CUL9: variants seen among roughly 807,000 people sequenced by gnomAD.
CUL9 encodes the protein cullin 9, also known as cullin-9.
Under a neutral mutation model 272.6 loss-of-function variants are expected in CUL9, and 79 were observed. The ratio of observed to expected loss-of-function variants is 0.29; its 90% confidence interval spans 0.24 to 0.35. The LOEUF (loss-of-function observed/expected upper bound fraction) is 0.35, where lower values mean the gene tolerates loss of function less well. Among genes scored for constraint, CUL9 ranks in the 10% least tolerant of loss-of-function variants. The probability of loss-of-function intolerance (pLI) is 1.00; values close to 1 mark genes in which losing one functional copy is unlikely to be tolerated. For missense variants in CUL9, 2,532 were observed against 3,255.6 expected (o/e 0.78, Z 5.41); for synonymous variants, 1,186 against 1,286.5 (o/e 0.92, Z 1.67).
Position 43,186,408 on chromosome 6 carries a change from G to C in CUL9, c.1204G>C (p.Asp402His). ...LDDYEEISAG[D>H]EGEFRQSNNG... ...TGATTATGAGGAGATCAGTGCTGGGGACGAGGGCGAGTTCCGGCAGAGCAA... is the reference window on the plus strand; with the variant it reads ...TGATTATGAGGAGATCAGTGCTGGGCACGAGGGCGAGTTCCGGCAGAGCAA... Residue 402 changes from aspartate (D) to histidine (H), a missense_variant, in exon 4 of 41, where the codon GAC becomes CAC. Coordinates refer to ENST00000252050, the MANE Select transcript of CUL9 (RefSeq NM_015089.4). The C allele has an allele frequency of 6.2e-7, 1 of 1,606,588 alleles. No homozygotes were observed. Among genetic ancestry groups the C allele is most frequent in the Non-Finnish European group, 8.5e-7 (1 of 1,173,806 alleles).
At chr6:43,222,043 C>G in intron 35 of CUL9, 1 of 593,122 alleles carries the variant, frequency 1.7e-6, no homozygotes, top group South Asian at 2.1e-5. Flanking sequence ...CAGAAGGCAG[C>G]AGGGCAGAGC....
rs75097426 is a variant in CUL9 at position 43,220,965 on chromosome 6, G to A, written c.6588+54G>A. On this transcript the variant is annotated intron_variant, in intron 33 of 40. Transcript: ENST00000252050. This position sits in a 1 kb window ranked among gnomAD's most constrained non-coding sequence, Gnocchi z 4.9. ...GAGCAAGGATTCACACTCCTTCCCT[G>A]CTTAATATCCCCACCCCGCCACACA... The A allele has an allele frequency of 9.5e-5, 145 of 1,522,314 alleles. No homozygotes were observed. The East Asian group carries it at 1.4e-3, about 15-fold the overall frequency. The allele number at this position is 1,522,314 out of a possible 1,614,324, so 94.3% of individuals were successfully genotyped here. A position where few individuals can be genotyped will look rare whatever the true frequency, so the allele number is the denominator to read the frequency against.
intron 1 of CUL9, among the ~76,000 whole-genome samples, chr6:43,183,488 C>T (rs958356830): frequency 6.6e-6 from 1 of 152,124 alleles, no homozygotes; most frequent in South Asian, 2.1e-4. Context: ...CTGTCCTGCC[C>T]CTCCGCTATC....
At chr6:43,192,492 G>A (rs1773617105) in intron 8 of CUL9, among the ~76,000 whole-genome samples, 4 of 152,168 alleles carry the variant, frequency 2.6e-5, no homozygotes, top group South Asian at 2.1e-4. Context: ...GAAACATAGC[G>A]AAACCCCGTC....
rs543247842 is a variant in CUL9, at chr6:43,198,025, G to C, written c.2804-584G>C. On this transcript the variant is annotated intron_variant, in intron 11 of 40. Transcript: ENST00000252050. ...GGAGGCTGAGGCAGGCAGATCACTT[G>C]AGGTCAGCAGTTTGAGACCAGCCCG... Among the ~76,000 whole-genome samples, 227 of 152,322 alleles carry C rather than the reference G, an allele frequency of 1.5e-3. 1 individual carries two copies. The highest frequency in any genetic ancestry group is 5.1e-3 in the African/African-American group (213 of 41,578).
chr6:43,221,415 CAA>C lies in CUL9; in HGVS notation c.6752+97_6752+98del. The C allele has an allele frequency of 4.2e-6, 6 of 1,418,630 alleles. No homozygotes were observed. The highest frequency in any genetic ancestry group is 5.6e-6 in the Non-Finnish European group (6 of 1,064,422). The allele number at this position is 1,418,630 out of a possible 1,614,324, so 87.9% of individuals were successfully genotyped here. On this transcript the variant is annotated intron_variant, in intron 34 of 40. Coordinates refer to ENST00000252050, the MANE Select transcript of CUL9 (RefSeq NM_015089.4). The surrounding 1 kb of genome is among the most constrained non-coding windows in gnomAD (Gnocchi z 4.2). ...GGAACGGGCTTAGTGTAAAGCTCAG[CAA>C]AAGAGGGTGGTTCCTCAGCCGCCCC...
In CUL9 at chr6:43,186,168, A is replaced by C. The variant is rs941193898; in HGVS notation, c.964A>C (p.Asn322His). Residue 322 changes from asparagine (N) to histidine (H), a missense_variant, in exon 4 of 41, where the codon AAC (asparagine) becomes CAC (histidine). By Grantham distance (68) the Asn-to-His change is moderately conservative. Around this residue, in one of 3 missense-constraint regions of CUL9, gnomAD observed 2,218 missense variants for 2,788.6 expected, o/e 0.80. Coordinates refer to ENST00000252050, the MANE Select transcript of CUL9 (RefSeq NM_015089.4). ...ELVRSMGWAR[N>H]LSEQGMSPPR... ...TGTGCGGAGCATGGGCTGGGCCCGG[A>C]ACCTCAGCGAACAGGGCATGTCACC... is the stretch of plus-strand genomic sequence containing the variant. 7 of 1,614,108 alleles carry C rather than the reference A, an allele frequency of 4.3e-6. No individual in the cohort carries two copies. In the African/African-American group the frequency reaches 8.0e-5, roughly 18 times the overall value.
intron 26 of CUL9, among the ~76,000 whole-genome samples, chr6:43,209,818 TTGTATTTTTA>T (rs1406218919): frequency 6.6e-6 from 1 of 151,666 alleles, no homozygotes; most frequent in Non-Finnish European, 1.5e-5. Context: ...GCTAATTTTT[TTGTATTTTTA>T]GTAGAGACAA....
At position 43,224,581 on chromosome 6, in the gene CUL9, A is replaced by C; in HGVS notation, c.*136A>C. 9 of 826,002 alleles carry C rather than the reference A, an allele frequency of 1.1e-5. No homozygotes were observed. Among genetic ancestry groups the C allele is most frequent in the Non-Finnish European group, 1.7e-5 (9 of 544,798 alleles). 51.2% of individuals were successfully genotyped at this position (826,002 alleles called of 1,614,324 possible). ...TTTGCTGAATAAAGGTCTCTTTCTC[A>C]CACACATCTCTGGGAGCAGGCTGAC... On this transcript the variant is annotated 3_prime_UTR_variant, in exon 41 of 41. Coordinates refer to ENST00000252050, the MANE Select transcript of CUL9 (RefSeq NM_015089.4). The surrounding 1 kb of genome is among the most constrained non-coding windows in gnomAD (Gnocchi z 4.2).
chr6:43,203,992 C>T lies in CUL9; in HGVS notation c.4159+5C>T. ...TGCAGAACATCACCTCTCCCGGTAA[C>T]CATGCTGACACCTGGCCCCACTAAC... On this transcript the variant is annotated splice_donor_5th_base_variant and intron_variant, in intron 20 of 40. Coordinates refer to ENST00000252050, the MANE Select transcript of CUL9 (RefSeq NM_015089.4). This position sits in a 1 kb window ranked among gnomAD's most constrained non-coding sequence, Gnocchi z 5.0. 6.3e-7 allele frequency: 1 copy of T among 1,591,828 alleles called. No homozygotes were observed.
chr6:43,195,200 C>T (rs919656112), intron 9 of CUL9, among the ~76,000 whole-genome samples: 1 of 152,212 alleles, frequency 6.6e-6, no homozygotes, highest in African/African-American at 2.4e-5. Context: ...CCAGGCCTTA[C>T]AAGAGGCATT....
In CUL9 at chr6:43,213,234, G is replaced by A; in HGVS notation, c.5298G>A (p.Lys1766=). ...WLGRAELQFG[K]QILHVSTVQM... is the part of the protein sequence containing the mutation. The stretch of plus-strand genomic sequence containing the variant: ...GCCGGGCTGAGCTGCAGTTTGGGAA[G>A]CAGATACTGCATGTGTCCACCGTGC... The change falls in exon 27 of 41, where the codon AAG becomes AAA. Residue 1766 remains lysine (K), a synonymous_variant. Transcript: ENST00000252050. This position sits in a 1 kb window ranked among gnomAD's most constrained non-coding sequence, Gnocchi z 5.7. 2.5e-6 allele frequency: 4 copies of A among 1,612,932 alleles called. No homozygotes were observed. Among genetic ancestry groups the A allele is most frequent in the Non-Finnish European group, 3.4e-6 (4 of 1,179,672 alleles).
rs560903285 is a variant in CUL9 at position 43,186,418 on chromosome 6, A to G, written c.1214A>G (p.Glu405Gly). 6.2e-7 allele frequency: 1 copy of G among 1,602,548 alleles called. No homozygotes were observed. Among genetic ancestry groups the G allele is most frequent in the South Asian group, 1.1e-5 (1 of 90,560 alleles). The change falls in exon 4 of 41, where the codon GAG (glutamate) becomes GGG (glycine). Residue 405 changes from glutamate (E) to glycine (G), a missense_variant. Glu to Gly is a moderately conservative substitution (Grantham distance 98). Coordinates refer to ENST00000252050, the MANE Select transcript of CUL9 (RefSeq NM_015089.4). ...GAGATCAGTGCTGGGGACGAGGGCGAGTTCCGGCAGAGCAACAACGGCATT... is the reference window on the plus strand; with the variant it reads ...GAGATCAGTGCTGGGGACGAGGGCGGGTTCCGGCAGAGCAACAACGGCATT... Reference protein sequence around the residue: ...YEEISAGDEGEFRQSNNGIPP... With the variant: ...YEEISAGDEGGFRQSNNGIPP...
At chr6:43,204,185 C>T in intron 20 of CUL9, 175 bp from the exon 21 acceptor site, 1 of 1,037,666 alleles carries the variant, frequency 9.6e-7, no homozygotes, top group Non-Finnish European at 1.4e-6. Flanking sequence ...TACCCCATCC[C>T]CACCCTGTTA....
intron 21 of CUL9, 79 bp downstream of exon 21, chr6:43,204,618 T>C: frequency 6.3e-7 from 1 of 1,590,972 alleles, no homozygotes; most frequent in Non-Finnish European, 8.6e-7. Flanking sequence ...GGTCTTACTC[T>C]TGCTGCTTTG....
chr6:43,205,572 T>G (rs1774981208), intron 24 of CUL9, 149 bp downstream of exon 24: 2 of 887,646 alleles, frequency 2.3e-6, no homozygotes, highest in Admixed American at 2.5e-5. Flanking sequence ...GGCTCACGCA[T>G]GTAATCCCAG....
chr6:43,214,369 A>G (rs1293393798), intron 29 of CUL9, among the ~76,000 whole-genome samples: 1 of 152,214 alleles, frequency 6.6e-6, no homozygotes, highest in Admixed American at 6.5e-5. Flanking sequence ...CAGTGAGCCA[A>G]GACTGCCACT....
intron 31 of CUL9, among the ~76,000 whole-genome samples, chr6:43,217,176 C>A (rs549639570): frequency 6.6e-6 from 1 of 152,016 alleles, no homozygotes. Flanking sequence ...GGCAACATGG[C>A]AAGACCCCGT....
At chr6:43,186,600 CG>C (rs1562012273) in intron 4 of CUL9, 145 bp downstream of exon 4, 9 of 1,261,994 alleles carry the variant, frequency 7.1e-6, no homozygotes, top group African/African-American at 1.5e-5. Context: ...GGCATTTGTG[CG>C]GGGTGCATTT....
Sources: allele counts gnomAD v4.1 joint callset (sites outside exome capture counted in the v4.1 genomes callset), GRCh38; gene constraint gnomAD v4.1.1; regional missense constraint gnomAD v4.1.1; non-coding constraint Gnocchi (gnomAD v3.1); transcripts MANE v1.5; gene names NCBI Gene and HGNC (gene_info 2026-07-23, HGNC 2026-07-21).